The following SYAP1 variants were observed in gnomAD, a reference collection of about 807,000 sequenced individuals.
The protein encoded by SYAP1 is synapse-associated protein 1.
Under a neutral mutation model 29.6 loss-of-function variants are expected in SYAP1, and 3 were observed. That is an observed-to-expected ratio of 0.10 (90% CI 0.05 to 0.26). The LOEUF is 0.26. Ranked by LOEUF, SYAP1 falls within the 10% of genes least tolerant of loss-of-function variation. The pLI is 1.00. For synonymous variants in SYAP1, 102 were observed against 102.7 expected, an observed-to-expected ratio of 0.99 and a Z score of 0.04; for missense variants, 217 against 264.1, an observed-to-expected ratio of 0.82 and a Z score of 1.24.
chrX:16,754,925 A>G lies in SYAP1; in HGVS notation c.576-20A>G, dbSNP rs1415804357. The G allele has an allele frequency of 1.7e-6, 2 of 1,205,688 alleles. No homozygotes were observed. The highest frequency in any genetic ancestry group is 2.2e-6 in the Non-Finnish European group (2 of 892,150). ...CAATTTTGCCTTTTTCCACTGTTCT[A>G]ATTTGCCTTTCTTTAAAAGTGTGAA... is the stretch of plus-strand genomic sequence containing the variant. On this transcript the variant is annotated intron_variant, in intron 5 of 8. Coordinates refer to ENST00000380155, the MANE Select transcript of SYAP1 (RefSeq NM_032796.4).
At chrX:16,740,313 A>G (rs1053168698) in intron 3 of SYAP1, among the ~76,000 whole-genome samples, 3 of 99,216 alleles carry the variant, frequency 3.0e-5, no homozygotes, top group African/African-American at 1.1e-4. Context: ...TTCCAGCCCT[A>G]TTGTTTACTG....
intron 5 of SYAP1, 110 bp from the exon 6 acceptor site, chrX:16,754,835 C>A: frequency 1.4e-6 from 1 of 737,510 alleles, no homozygotes; most frequent in African/African-American, 2.1e-5. Flanking sequence ...ACAAATAACC[C>A]CTGCGTGCAC....
At chrX:16,753,427 A>G (rs1331073014) in intron 5 of SYAP1, among the ~76,000 whole-genome samples, 1 of 109,747 alleles carries the variant, frequency 9.1e-6, no homozygotes, top group Non-Finnish European at 1.9e-5. Flanking sequence ...AAAAAATAAT[A>G]ATAATTACCA....
intron 1 of SYAP1, among the ~76,000 whole-genome samples, chrX:16,724,131 G>A (rs1379961338): frequency 8.9e-6 from 1 of 112,133 alleles, no homozygotes; most frequent in Non-Finnish European, 1.9e-5. Flanking sequence ...CAATGAAAGA[G>A]TACAAGAATA....
At chrX:16,741,611 T>C (rs1926461202) in intron 3 of SYAP1, 105 bp from the exon 4 acceptor site, 1 of 521,203 alleles carries the variant, frequency 1.9e-6, no homozygotes, top group Admixed American at 3.5e-5. Flanking sequence ...ATTGCTACTT[T>C]TAGTGGTCAT....
At chrX:16,746,575 A>C (rs1205280132) in intron 5 of SYAP1, among the ~76,000 whole-genome samples, 1 of 109,697 alleles carries the variant, frequency 9.1e-6, no homozygotes, top group South Asian at 3.8e-4. Context: ...GGATATTTTT[A>C]GTTAAGGTGA....
chrX:16,732,142 A>G (rs1358616157), intron 1 of SYAP1, among the ~76,000 whole-genome samples: 1 of 112,603 alleles, frequency 8.9e-6, no homozygotes, highest in Non-Finnish European at 1.9e-5. Flanking sequence ...TTTTAAAGCT[A>G]GCTTATTTAT....
chrX:16,743,445 C>G (rs1926519267), intron 4 of SYAP1, among the ~76,000 whole-genome samples: 1 of 109,692 alleles, frequency 9.1e-6, no homozygotes, highest in Admixed American at 9.9e-5. Flanking sequence ...ACCAGCCTGG[C>G]CAAGATAGTG....
chrX:16,732,320 A>G (rs985933406), intron 1 of SYAP1, among the ~76,000 whole-genome samples: 33 of 111,107 alleles, frequency 3.0e-4, no homozygotes, highest in African/African-American at 1.0e-3. Context: ...GGTTCAGGAA[A>G]GGCCTAGGCA....
intron 3 of SYAP1, among the ~76,000 whole-genome samples, chrX:16,739,323 C>T (rs1201453228): frequency 9.1e-6 from 1 of 110,455 alleles, no homozygotes; most frequent in Non-Finnish European, 1.9e-5. Flanking sequence ...TAACTTTTCT[C>T]TCAGTGGGCT....
intron 1 of SYAP1, among the ~76,000 whole-genome samples, chrX:16,725,471 A>T (rs1926064791): frequency 9.0e-6 from 1 of 111,591 alleles, no homozygotes; most frequent in Non-Finnish European, 1.9e-5. Context: ...ACATAGTGAG[A>T]CTCCATCTCT....
chrX:16,726,245 A>G (rs4439299), intron 1 of SYAP1, among the ~76,000 whole-genome samples: 47,892 of 110,617 alleles, frequency 0.43, 8,874 homozygotes, highest in African/African-American at 0.71. Context: ...CTTTTAATCT[A>G]TAACTAAGGT....
chrX:16,725,625 T>A (rs1926068739), intron 1 of SYAP1, among the ~76,000 whole-genome samples: 5 of 112,450 alleles, frequency 4.4e-5, no homozygotes, highest in African/African-American at 6.5e-5. Context: ...CCCAGGCCAC[T>A]CTAATAACTC....
chrX:16,741,199 T>G (rs4830561), intron 3 of SYAP1, among the ~76,000 whole-genome samples: 49,156 of 109,107 alleles, frequency 0.45, 10,112 homozygotes, highest in African/African-American at 0.79. Flanking sequence ...GAGTTTTTTG[T>G]TTTTTGTTTT....
rs190526202 is a variant in SYAP1, at chrX:16,760,525, A to G, written c.*166A>G. 9.9e-3 allele frequency: 3,697 copies of G among 372,440 alleles called. 12 individuals are homozygous for G. The highest frequency in any genetic ancestry group is 0.012 in the Non-Finnish European group (2,889 of 235,748). The allele number at this position is 372,440 out of a possible 1,213,427, so 30.7% of individuals were successfully genotyped here. On this transcript the variant is annotated 3_prime_UTR_variant, in exon 9 of 9. Transcript: ENST00000380155. ...TGCCTCTTCTACTTTAAAAAAGTAT[A>G]TAGAACAGTTACTTCTAATAATCAG... is the stretch of plus-strand genomic sequence containing the variant.
chrX:16,719,777 G>A lies in SYAP1; in HGVS notation c.53G>A (p.Gly18Asp). ...GGCTTGCAGCAGCCGGTGGCAGGCG[G>A]TGGGCAGCCCAATGGAGATGCTCCA... ...WLGLQQPVAG[G>D]GQPNGDAPPE... The change falls in exon 1 of 9, where the codon GGT becomes GAT. Residue 18 changes from glycine to aspartate, a missense_variant. By Grantham distance (94) the Gly-to-Asp change is moderately conservative. Transcript: ENST00000380155. The A allele has an allele frequency of 8.3e-7, 1 of 1,204,706 alleles. No homozygotes were observed. Among genetic ancestry groups the A allele is most frequent in the Non-Finnish European group, 1.1e-6 (1 of 892,570 alleles).
intron 3 of SYAP1, among the ~76,000 whole-genome samples, chrX:16,740,361 G>A (rs57659773): frequency 0.11 from 7,208 of 67,349 alleles, 696 homozygotes; most frequent in African/African-American, 0.38. Context: ...TTTTTTTTTA[G>A]CTCCTGAAAA....
In SYAP1 at chrX:16,719,705, G is replaced by C. The variant is rs983119095; in HGVS notation, c.-20G>C. 1.5e-5 allele frequency: 18 copies of C among 1,200,439 alleles called. No individual in the cohort carries two copies. The highest frequency in any genetic ancestry group is 2.8e-4 in the Middle Eastern group (1 of 3,569). On this transcript the variant is annotated 5_prime_UTR_variant, in exon 1 of 9. Transcript: ENST00000380155. ...TGCGGTCTCTGGGGATCGGGACCGCGGCGGCGGCCCGCGAGCGGGATGTTC... is the reference window on the plus strand; with the variant it reads ...TGCGGTCTCTGGGGATCGGGACCGCCGCGGCGGCCCGCGAGCGGGATGTTC...
chrX:16,744,951 A>G (rs1008084173), intron 5 of SYAP1, among the ~76,000 whole-genome samples: 3 of 112,271 alleles, frequency 2.7e-5, no homozygotes, highest in Non-Finnish European at 5.6e-5. Context: ...TGGGCAACAG[A>G]GTGAGACCCT....
Sources: gnomAD v4.1 joint callset for allele counts (sites outside exome capture counted in the v4.1 genomes callset) on GRCh38, gnomAD v4.1.1 for gene constraint, MANE v1.5 for transcripts, NCBI Gene and HGNC (gene_info 2026-07-23, HGNC 2026-07-21) for gene names.